The following ADGRF1 variants were observed in gnomAD, a reference collection of about 807,000 sequenced individuals.
The protein encoded by ADGRF1 is G protein-coupled receptor 110.
In ADGRF1, 85 loss-of-function variants were observed where a neutral mutation model predicts 87.2. That is an observed-to-expected ratio of 0.97 (90% CI 0.82 to 1.17). The LOEUF is 1.17. Ranked by LOEUF, ADGRF1 falls within the 50% of genes most tolerant of loss-of-function variation. The pLI, the probability that ADGRF1 is intolerant of heterozygous loss-of-function variation, is 0.00. For missense variants in ADGRF1, 1,169 were observed against 1,077.2 expected (o/e 1.09, Z -1.19); for synonymous variants, 430 against 408.8 (o/e 1.05, Z -0.63).
At chr6:47,039,980 A>ATAAT (rs1780690524) in intron 1 of ADGRF1, among the ~76,000 whole-genome samples, 1 of 151,958 alleles carries the variant, frequency 6.6e-6, no homozygotes, top group Non-Finnish European at 1.5e-5. Flanking sequence ...AAATAAATAA[A>ATAAT]TAAATAGATA....
At chr6:47,039,290 T>C (rs143170035) in intron 1 of ADGRF1, among the ~76,000 whole-genome samples, 1 of 152,366 alleles carries the variant, frequency 6.6e-6, no homozygotes, top group East Asian at 1.9e-4. Context: ...TTTGCAGTTT[T>C]AGGACTGCAT....
chr6:47,020,881 T>G (rs997566165), intron 6 of ADGRF1, 92 bp from the exon 7 acceptor site: 3 of 931,328 alleles, frequency 3.2e-6, no homozygotes, highest in Non-Finnish European at 5.2e-6. Context: ...AATAAATAAA[T>G]CAACAGTAGC....
intron 13 of ADGRF1, chr6:47,002,090 A>G (rs1779379575): frequency 1.3e-5 from 2 of 153,236 alleles, no homozygotes; most frequent in East Asian, 1.9e-4. Flanking sequence ...TATTTGAAAC[A>G]AAGAGCATGT....
chr6:47,000,582 A>G lies in ADGRF1; in HGVS notation c.2660-287T>C, dbSNP rs543706268. 1.6e-4 allele frequency among the ~76,000 whole-genome samples: 24 copies of G among 152,316 alleles called. No individual in the cohort carries two copies. The South Asian group carries it at 3.1e-3, about 20-fold the overall frequency. On this transcript the variant is annotated intron_variant, in intron 14 of 14. Transcript: ENST00000371253. ...ATCACAATATGTTATTGCTGGAAGAATCTTAGTAATCTCTTAGCTTTTTAT... is the reference window on the plus strand; with the variant it reads ...ATCACAATATGTTATTGCTGGAAGAGTCTTAGTAATCTCTTAGCTTTTTAT...
At chr6:47,003,819 C>T (rs1779434220) in intron 13 of ADGRF1, among the ~76,000 whole-genome samples, 2 of 152,186 alleles carry the variant, frequency 1.3e-5, no homozygotes, top group Non-Finnish European at 2.9e-5. Flanking sequence ...CCTCCTGGGG[C>T]TGTGTCATGG....
At chr6:47,039,234 A>G (rs1295691354) in intron 1 of ADGRF1, among the ~76,000 whole-genome samples, 1 of 152,246 alleles carries the variant, frequency 6.6e-6, no homozygotes, top group African/African-American at 2.4e-5. Context: ...AACCAAGAAG[A>G]CACCATGAGG....
chr6:47,013,793 A>G (rs1478335745), intron 9 of ADGRF1: 1 of 269,096 alleles, frequency 3.7e-6, no homozygotes, highest in Non-Finnish European at 5.7e-6. Context: ...CCATCCCCCA[A>G]GTGCTGTCTC....
chr6:47,029,087 C>T lies in ADGRF1; in HGVS notation c.-26G>A, dbSNP rs766018691. On this transcript the variant is annotated 5_prime_UTR_variant, in exon 2 of 15. Transcript: ENST00000371253. ...TTTCCCTGGACTGAACAGCAGCAGTCGGGTGCATAGTCTGTGACTAAACAA... is the reference window on the plus strand; with the variant it reads ...TTTCCCTGGACTGAACAGCAGCAGTTGGGTGCATAGTCTGTGACTAAACAA... The T allele has an allele frequency of 3.6e-5, 57 of 1,599,358 alleles. No homozygotes were observed. In the African/African-American group the frequency reaches 5.8e-4, roughly 16 times the overall value.
rs145637356 is a variant in ADGRF1, at chr6:47,001,799, A to G, written c.2593-232T>C. ...ATGCTGTGTTCCTGTGTATTTTTAT[A>G]ACTTCTAACAACAAACTAGAAAACA... is the stretch of plus-strand genomic sequence containing the variant. On this transcript the variant is annotated intron_variant, in intron 13 of 14. Transcript: ENST00000371253. 9.9e-6 allele frequency: 4 copies of G among 403,070 alleles called. No individual in the cohort carries two copies. The East Asian group carries it at 1.9e-4, about 19-fold the overall frequency. 25.0% of individuals were successfully genotyped at this position (403,070 alleles called of 1,614,324 possible). A position where few individuals can be genotyped will look rare whatever the true frequency, so the allele number is the denominator to read the frequency against.
chr6:47,004,299 T>C (rs926449128), intron 13 of ADGRF1, among the ~76,000 whole-genome samples: 2 of 152,232 alleles, frequency 1.3e-5, no homozygotes, highest in African/African-American at 4.8e-5. Context: ...CTAAGAAAAT[T>C]ATAAATGCAC....
intron 11 of ADGRF1, 43 bp downstream of exon 11, chr6:47,008,902 C>G: frequency 6.6e-7 from 1 of 1,516,504 alleles, no homozygotes; most frequent in Non-Finnish European, 8.9e-7. Context: ...TCTACTTATT[C>G]CAATCACTTG....
intron 14 of ADGRF1, 42 bp downstream of exon 14, chr6:47,001,459 C>T (rs771551858): frequency 2.0e-6 from 3 of 1,532,138 alleles, no homozygotes; most frequent in Non-Finnish European, 2.7e-6. Context: ...CTCATATACT[C>T]TTTTCACACC....
rs1779364439 is a variant in ADGRF1, at chr6:47,001,573, C to T, written c.2593-6G>A. ...GATAAATCTGATGAGTTTTGCTGCA[C>T]AAAATAAAAATAAGTCATTTGGACA... On this transcript the variant is annotated splice_region_variant and splice_polypyrimidine_tract_variant and intron_variant, in intron 13 of 14. Coordinates refer to ENST00000371253, the MANE Select transcript of ADGRF1 (RefSeq NM_153840.4). 6.2e-7 allele frequency: 1 copy of T among 1,612,508 alleles called. No individual in the cohort carries two copies. The highest frequency in any genetic ancestry group is 1.7e-5 in the Admixed American group (1 of 59,890).
chr6:47,017,014 T>A, intron 7 of ADGRF1: 1 of 225,574 alleles, frequency 4.4e-6, no homozygotes, highest in Non-Finnish European at 7.7e-6. Context: ...CCACATTAAA[T>A]AAAGCTGGTT....
chr6:47,024,033 T>C lies in ADGRF1; in HGVS notation c.451+11A>G. On this transcript the variant is annotated intron_variant, in intron 5 of 14. Transcript: ENST00000371253. ...GAGAAGCCCCAGCCCAGAGCATTCT[T>C]AGTTGCTTACTTGTTCTCTCACAGA... 8 of 1,612,058 alleles carry C rather than the reference T, an allele frequency of 5.0e-6. No homozygotes were observed. Among genetic ancestry groups the C allele is most frequent in the Non-Finnish European group, 5.9e-6 (7 of 1,178,740 alleles).
intron 9 of ADGRF1, chr6:47,013,780 G>T: frequency 2.8e-6 from 1 of 362,836 alleles, no homozygotes; most frequent in Non-Finnish European, 3.8e-6. Flanking sequence ...TAATGGTTTA[G>T]CACCATCCCC....
At chr6:47,020,612 A>T in intron 7 of ADGRF1, 119 bp downstream of exon 7, 1 of 1,546,126 alleles carries the variant, frequency 6.5e-7, no homozygotes, top group Non-Finnish European at 8.7e-7. Flanking sequence ...TAAAAATCCT[A>T]CTATAAAGAT....
chr6:47,015,619 G>A (rs376087916), intron 8 of ADGRF1, among the ~76,000 whole-genome samples: 6 of 140,788 alleles, frequency 4.3e-5, no homozygotes, highest in Non-Finnish European at 4.4e-5. Flanking sequence ...ACAGAGTCTC[G>A]CTCTGTCACC....
Position 47,020,721 on chromosome 6 carries a change from T to G in ADGRF1, c.611+10A>C. 2 of 1,613,146 alleles carry G rather than the reference T, an allele frequency of 1.2e-6. No individual in the cohort carries two copies. Among genetic ancestry groups the G allele is most frequent in the East Asian group, 4.5e-5 (2 of 44,866 alleles). ...TGGGGATGCCCTTCTAAGACCATTGTGTTACTTACCGAAATTGGGTGACCT... is the reference window on the plus strand; with the variant it reads ...TGGGGATGCCCTTCTAAGACCATTGGGTTACTTACCGAAATTGGGTGACCT... On this transcript the variant is annotated intron_variant, in intron 7 of 14. Transcript: ENST00000371253.
Sources: gnomAD v4.1 joint callset for allele counts (sites outside exome capture counted in the v4.1 genomes callset) on GRCh38, gnomAD v4.1.1 for gene constraint, MANE v1.5 for transcripts, NCBI Gene and HGNC (gene_info 2026-07-23, HGNC 2026-07-21) for gene names.